The following PTPRT variants were observed in gnomAD, a reference collection of about 807,000 sequenced individuals.
PTPRT encodes receptor-type tyrosine-protein phosphatase T.
PTPRT carries 56 observed loss-of-function variants against 176.8 expected under a neutral mutation model. The ratio of observed to expected loss-of-function variants is 0.32; its 90% CI spans 0.26 to 0.40. The LOEUF is 0.40. Ranked by LOEUF, PTPRT falls within the 10% of genes least tolerant of loss-of-function variation. PTPRT has a pLI of 1.00. For missense variants in PTPRT, 1,540 were observed against 1,908.2 expected, an observed-to-expected ratio of 0.81 and a Z score of 3.60; for synonymous variants, 783 against 739.0, an observed-to-expected ratio of 1.06 and a Z score of -0.96.
the PTPRT span, among the ~76,000 whole-genome samples, chr20:42,046,081 A>C: frequency 2.8e-4 from 43 of 152,312 alleles, 1 homozygote; most frequent in Admixed American, 1.2e-3. Context: ...CCCTGGAGTC[A>C]TGTCCTCCGC....
chr20:43,071,118 C>T (rs541247243), intron 1 of PTPRT, among the ~76,000 whole-genome samples: 22 of 152,208 alleles, frequency 1.4e-4, no homozygotes, highest in African/African-American at 2.9e-4. Flanking sequence ...GTTTGCAGTC[C>T]GGGGTTCCTT....
intron 7 of PTPRT, among the ~76,000 whole-genome samples, chr20:42,598,453 A>G (rs972546483): frequency 8.5e-5 from 13 of 152,186 alleles, no homozygotes; most frequent in African/African-American, 3.1e-4. Flanking sequence ...GTAGTGTACA[A>G]AATAGTATAC....
intron 6 of PTPRT, among the ~76,000 whole-genome samples, chr20:42,753,506 A>G (rs2076791698): frequency 6.6e-6 from 1 of 152,190 alleles, no homozygotes; most frequent in Non-Finnish European, 1.5e-5. Flanking sequence ...ACCTTGATTG[A>G]CCAGATTACA....
At chr20:43,085,586 T>TATC (rs1252582260) in intron 1 of PTPRT, among the ~76,000 whole-genome samples, 1 of 151,978 alleles carries the variant, frequency 6.6e-6, no homozygotes, top group Non-Finnish European at 1.5e-5. Flanking sequence ...TGGCAGAAGG[T>TATC]GAATGAGGAG....
At chr20:42,270,003 T>C (rs1489765749) in intron 13 of PTPRT, among the ~76,000 whole-genome samples, 2 of 152,198 alleles carry the variant, frequency 1.3e-5, no homozygotes, top group Admixed American at 6.5e-5. Flanking sequence ...GAATACCATG[T>C]ACCTTTCCTT....
chr20:43,108,318 G>A (rs1187290104), intron 1 of PTPRT, among the ~76,000 whole-genome samples: 1 of 152,138 alleles, frequency 6.6e-6, no homozygotes, highest in Non-Finnish European at 1.5e-5. Context: ...GGACAATCTG[G>A]TTGATAGTTC....
Position 42,595,801 on chromosome 20 carries a change from G to A in PTPRT, c.1153+82065C>T, listed in dbSNP as rs191949532. ...AACATGTCACTGGAGTTTGCTTGTTGCAAGGACAAACACTTCTCCTGGCAC... is the reference window on the plus strand; with the variant it reads ...AACATGTCACTGGAGTTTGCTTGTTACAAGGACAAACACTTCTCCTGGCAC... On this transcript the variant is annotated intron_variant, in intron 7 of 30. Coordinates refer to ENST00000373187, the MANE Select transcript of PTPRT (RefSeq NM_007050.6). Among the ~76,000 whole-genome samples the A allele has an allele frequency of 1.5e-3, 221 of 152,222 alleles. 2 individuals carry two copies. The highest frequency in any genetic ancestry group is 5.0e-3 in the African/African-American group (206 of 41,522).
At chr20:42,345,020 C>T (rs2058166957) in intron 11 of PTPRT, among the ~76,000 whole-genome samples, 1 of 152,142 alleles carries the variant, frequency 6.6e-6, no homozygotes, top group African/African-American at 2.4e-5. Context: ...GCTCACCATT[C>T]TACCAAGGGC....
intron 12 of PTPRT, among the ~76,000 whole-genome samples, chr20:42,304,120 C>T (rs756102407): frequency 6.6e-6 from 1 of 152,178 alleles, no homozygotes; most frequent in Non-Finnish European, 1.5e-5. Context: ...CCACTTGCCT[C>T]TCCGTAAGTA....
At chr20:43,188,751 G>GA (rs1032918253) in intron 1 of PTPRT, among the ~76,000 whole-genome samples, 2 of 142,184 alleles carry the variant, frequency 1.4e-5, no homozygotes, top group East Asian at 4.4e-4. Flanking sequence ...GCTACTCTTG[G>GA]GGGGGGGGGG....
At chr20:42,527,547 A>G (rs2072300808) in intron 7 of PTPRT, among the ~76,000 whole-genome samples, 1 of 152,174 alleles carries the variant, frequency 6.6e-6, no homozygotes, top group African/African-American at 2.4e-5. Context: ...TAGTTTTACC[A>G]CAGCACTTGC....
chr20:43,081,267 A>C (rs914645222), intron 1 of PTPRT, among the ~76,000 whole-genome samples: 2 of 152,202 alleles, frequency 1.3e-5, no homozygotes, highest in Non-Finnish European at 2.9e-5. Context: ...GAGGAGGAGA[A>C]AGTTTTTGCC....
chr20:42,169,589 C>T (rs1989985568), intron 16 of PTPRT, among the ~76,000 whole-genome samples: 2 of 151,980 alleles, frequency 1.3e-5, no homozygotes, highest in Non-Finnish European at 2.9e-5. Context: ...GATCTACCTC[C>T]TCTATTTACT....
At chr20:42,086,552 C>T (rs1276237671) in intron 27 of PTPRT, among the ~76,000 whole-genome samples, 1 of 151,022 alleles carries the variant, frequency 6.6e-6, no homozygotes, top group African/African-American at 2.4e-5. Flanking sequence ...TTTTTCTTTT[C>T]ACCACGCAAA....
chr20:43,028,691 G>A (rs963887088), intron 1 of PTPRT, among the ~76,000 whole-genome samples: 4 of 152,182 alleles, frequency 2.6e-5, no homozygotes, highest in Admixed American at 1.3e-4. Context: ...CTGGGCATCC[G>A]ATAGCCTAAG....
chr20:43,187,741 TTTC>T (rs1191818208), intron 1 of PTPRT, among the ~76,000 whole-genome samples: 1 of 152,220 alleles, frequency 6.6e-6, no homozygotes, highest in Non-Finnish European at 1.5e-5. Context: ...TATTCCAGGA[TTTC>T]TTTTCTTTCT....
intron 1 of PTPRT, among the ~76,000 whole-genome samples, chr20:42,918,671 T>C (rs1978943824): frequency 6.6e-6 from 1 of 152,202 alleles, no homozygotes; most frequent in Non-Finnish European, 1.5e-5. Flanking sequence ...GCACATTTTT[T>C]TGACACTGTC....
intron 6 of PTPRT, among the ~76,000 whole-genome samples, chr20:42,690,142 T>C (rs1233150956): frequency 6.6e-6 from 1 of 151,822 alleles, no homozygotes; most frequent in Non-Finnish European, 1.5e-5. Context: ...GGATGGTATA[T>C]CCTGCTGAAA....
At chr20:42,649,368 G>A (rs923033277) in intron 7 of PTPRT, among the ~76,000 whole-genome samples, 13 of 152,094 alleles carry the variant, frequency 8.5e-5, no homozygotes, top group Non-Finnish European at 1.8e-4. Flanking sequence ...CCCATGACAC[G>A]TGGGAATTGT....
Sources: gnomAD v4.1 joint callset for allele counts (sites outside exome capture counted in the v4.1 genomes callset) on GRCh38, gnomAD v4.1.1 for gene constraint, MANE v1.5 for transcripts, NCBI Gene and HGNC (gene_info 2026-07-23, HGNC 2026-07-21) for gene names.